The following DLC1 variants were observed in gnomAD, a reference collection of about 807,000 sequenced individuals.
The protein encoded by DLC1 is DLC1 Rho GTPase activating protein.
A neutral mutation model predicts 140.3 loss-of-function variants in DLC1; 54 were observed. The ratio of observed to expected loss-of-function variants is 0.38; its 90% CI spans 0.31 to 0.48. The LOEUF (loss-of-function observed/expected upper bound fraction) is 0.48, where lower values mean the gene tolerates loss of function less well. DLC1 is among the 20% of genes least tolerant of loss of function. The pLI, the probability that DLC1 is intolerant of heterozygous loss-of-function variation, is 0.96. For synonymous variants in DLC1, 986 were observed against 728.1 expected, an observed-to-expected ratio of 1.35 and a Z score of -5.70; for missense variants, 2,536 against 1,907.0, an observed-to-expected ratio of 1.33 and a Z score of -6.14.
intron 5 of DLC1, chr8:13,116,221 G>C (rs149657482): frequency 1.0e-6 from 1 of 985,454 alleles, no homozygotes; most frequent in East Asian, 1.1e-4. Flanking sequence ...GGCTGTCAAG[G>C]AACATGGAGG....
intron 12 of DLC1, among the ~76,000 whole-genome samples, chr8:13,094,002 G>GA (rs1236584644): frequency 6.6e-6 from 1 of 152,122 alleles, no homozygotes; most frequent in African/African-American, 2.4e-5. Flanking sequence ...ATGAATAACA[G>GA]AAAAAGATTA....
At chr8:13,593,032 C>A (rs143548953) in intron 1 of DLC1, among the ~76,000 whole-genome samples, 1 of 152,156 alleles carries the variant, frequency 6.6e-6, no homozygotes, top group South Asian at 2.1e-4. Context: ...TTAGCTTTGG[C>A]GTATGAATAA....
chr8:13,353,386 C>A lies in DLC1; in HGVS notation c.1314+40167G>T, dbSNP rs560000958. On this transcript the variant is annotated intron_variant, in intron 4 of 17. Coordinates refer to ENST00000276297, the MANE Select transcript of DLC1 (RefSeq NM_182643.3). ...GACTTCACTGTTTGTGTTCTTAAAA[C>A]AACAACAGGCCAGGCGTTCTGGTTG... 3.3e-5 allele frequency: 5 copies of A among 152,238 alleles called. No individual in the cohort carries two copies. The East Asian group carries it at 5.8e-4, about 18-fold the overall frequency. The allele number at this position is 152,238 out of a possible 1,614,324, so 9.4% of individuals were successfully genotyped here.
intron 2 of DLC1, among the ~76,000 whole-genome samples, chr8:13,468,783 G>T: frequency 1.0e-5 from 1 of 96,538 alleles, no homozygotes; most frequent in Admixed American, 1.1e-4. Flanking sequence ...CTTTTTAGTT[G>T]TTGTTGATTC....
chr8:13,209,878 A>C (rs1827855677), intron 5 of DLC1, among the ~76,000 whole-genome samples: 1 of 152,106 alleles, frequency 6.6e-6, no homozygotes, highest in African/African-American at 2.4e-5. Flanking sequence ...GAGCCAATTA[A>C]ACCTCTTTTT....
At chr8:13,227,613 T>G (rs934238692) in intron 5 of DLC1, among the ~76,000 whole-genome samples, 1 of 152,196 alleles carries the variant, frequency 6.6e-6, no homozygotes, top group Non-Finnish European at 1.5e-5. Context: ...GAAACATACA[T>G]ACACTCGACC....
chr8:13,109,757 C>T lies in DLC1; in HGVS notation c.1502+985G>A, dbSNP rs183613479. Among the ~76,000 whole-genome samples the T allele has an allele frequency of 8.6e-4, 130 of 151,606 alleles. 1 individual carries two copies. Among genetic ancestry groups the T allele is most frequent in the African/African-American group, 2.9e-3 (119 of 41,322 alleles). On this transcript the variant is annotated intron_variant, in intron 7 of 17. Coordinates refer to ENST00000276297, the MANE Select transcript of DLC1 (RefSeq NM_182643.3). ...AAAATTAGCTGGGCGTGATGGTGGG[C>T]GCCTGTAATCCTAGCTACTTGGGAG...
intron 1 of DLC1, among the ~76,000 whole-genome samples, chr8:13,589,219 C>CT (rs1356255255): frequency 6.6e-6 from 1 of 151,886 alleles, no homozygotes; most frequent in African/African-American, 2.4e-5. Context: ...CCCAGAGATG[C>CT]TTATGTATGC....
chr8:13,410,524 C>T (rs1174993269), intron 2 of DLC1, among the ~76,000 whole-genome samples: 1 of 151,942 alleles, frequency 6.6e-6, no homozygotes, highest in Non-Finnish European at 1.5e-5. Flanking sequence ...AAACGCAAGA[C>T]CACTCTTGTC....
rs551388287 is a variant in DLC1, at chr8:13,107,648, G to A, written c.1502+3094C>T. 3.9e-5 allele frequency among the ~76,000 whole-genome samples: 6 copies of A among 152,336 alleles called. No homozygotes were observed. The South Asian group carries it at 1.0e-3, about 26-fold the overall frequency. On this transcript the variant is annotated intron_variant, in intron 7 of 17. Transcript: ENST00000276297. ...CCCTTGAATTCCATAGGCCAAGAAG[G>A]TATTTGGAAGAGGCAGGTCTAGCAA...
chr8:13,599,848 T>A (rs990032891), intron 1 of DLC1, among the ~76,000 whole-genome samples: 1 of 151,950 alleles, frequency 6.6e-6, no homozygotes, highest in Admixed American at 6.6e-5. Context: ...AAAATTTTTA[T>A]ATGATAACTA....
chr8:13,382,624 C>T (rs1207454251), intron 4 of DLC1, among the ~76,000 whole-genome samples: 1 of 151,616 alleles, frequency 6.6e-6, no homozygotes, highest in African/African-American at 2.4e-5. Flanking sequence ...TCTTCACAGC[C>T]TTTCTAGACA....
intron 5 of DLC1, among the ~76,000 whole-genome samples, chr8:13,265,597 C>G (rs534919425): frequency 2.0e-5 from 3 of 152,144 alleles, no homozygotes; most frequent in African/African-American, 7.2e-5. Flanking sequence ...TCATAGTCTC[C>G]AAGACAGCAT....
At chr8:13,316,294 A>G (rs1324292163) in intron 4 of DLC1, among the ~76,000 whole-genome samples, 6 of 152,186 alleles carry the variant, frequency 3.9e-5, no homozygotes, top group Non-Finnish European at 5.9e-5. Flanking sequence ...GATGTGAGAT[A>G]TGCAGGACAA....
chr8:13,463,318 G>T (rs953578017), intron 2 of DLC1, among the ~76,000 whole-genome samples: 2 of 151,906 alleles, frequency 1.3e-5, no homozygotes, highest in Admixed American at 1.3e-4. Flanking sequence ...AATAATACTT[G>T]GGTGATTGTA....
rs149804380 is a variant in DLC1, at chr8:13,548,958, C to A, written c.-125-48762G>T. On this transcript the variant is annotated intron_variant, in intron 1 of 1. Transcript: ENST00000631382. ...ATCACTGAATTTCAGTGAAAGGATT[C>A]TTCTCTCTTTTGTACTTTGTCCCCT... Among the ~76,000 whole-genome samples, 256 of 152,118 alleles carry A rather than the reference C, an allele frequency of 1.7e-3. 1 individual carries two copies. The highest frequency in any genetic ancestry group is 5.9e-3 in the African/African-American group (246 of 41,526).
chr8:13,329,406 T>C (rs1391190862), intron 4 of DLC1, among the ~76,000 whole-genome samples: 1 of 152,148 alleles, frequency 6.6e-6, no homozygotes, highest in African/African-American at 2.4e-5. Context: ...TATATCCCTG[T>C]TGTTGATTCT....
intron 4 of DLC1, among the ~76,000 whole-genome samples, chr8:13,346,673 C>G (rs1834357506): frequency 6.6e-6 from 1 of 152,210 alleles, no homozygotes. Flanking sequence ...GGGGATGTGT[C>G]CAGAGAAAGT....
chr8:13,539,314 C>G (rs1285198026), intron 1 of DLC1, among the ~76,000 whole-genome samples: 2 of 152,224 alleles, frequency 1.3e-5, no homozygotes, highest in East Asian at 1.9e-4. Context: ...ATTCTCCTGC[C>G]TTAGCCTCCT....
Sources: gnomAD v4.1 joint callset for allele counts (sites outside exome capture counted in the v4.1 genomes callset) on GRCh38, gnomAD v4.1.1 for gene constraint, MANE v1.5 for transcripts, NCBI Gene and HGNC (gene_info 2026-07-23, HGNC 2026-07-21) for gene names.